Variants in TNPO3 observed in about 807,000 individuals in gnomAD.
TNPO3 encodes the protein transportin 3, also known as transportin-3.
A neutral mutation model predicts 122.8 loss-of-function variants in TNPO3; 65 were observed. That is an observed-to-expected ratio of 0.53 (90% CI 0.43 to 0.65). TNPO3 has a LOEUF of 0.65. Ranked by LOEUF, TNPO3 falls within the 30% of genes least tolerant of loss-of-function variation. TNPO3 has a pLI of 0.00. For synonymous variants in TNPO3, 372 were observed against 411.2 expected, an observed-to-expected ratio of 0.90 and a Z score of 1.15; for missense variants, 850 against 1,136.7, an observed-to-expected ratio of 0.75 and a Z score of 3.63.
intron 1 of TNPO3, among the ~76,000 whole-genome samples, chr7:129,048,509 AAC>A (rs1450586754): frequency 1.3e-5 from 2 of 152,202 alleles, no homozygotes; most frequent in East Asian, 1.9e-4. Flanking sequence ...CGGCCTGGGC[AAC>A]AGAGTGAGAC....
At chr7:129,020,166 T>C (rs1253219524) in intron 1 of TNPO3, among the ~76,000 whole-genome samples, 1 of 151,246 alleles carries the variant, frequency 6.6e-6, no homozygotes, top group Non-Finnish European at 1.5e-5. Flanking sequence ...CAACCTTAGC[T>C]TTCAATGAAA....
chr7:129,033,439 C>T (rs1312233095), intron 1 of TNPO3, among the ~76,000 whole-genome samples: 1 of 152,056 alleles, frequency 6.6e-6, no homozygotes, highest in East Asian at 1.9e-4. Context: ...AGCAAAAAAA[C>T]CTCAGAAAAT....
chr7:128,967,108 A>G (rs111748331), intron 21 of TNPO3, among the ~76,000 whole-genome samples, 172 bp downstream of exon 21: 2 of 152,384 alleles, frequency 1.3e-5, no homozygotes, highest in African/African-American at 4.8e-5. Context: ...ATATATGTAC[A>G]TACATACACA....
chr7:129,027,934 G>A (rs748952897), intron 1 of TNPO3, among the ~76,000 whole-genome samples: 37 of 152,096 alleles, frequency 2.4e-4, no homozygotes, highest in Admixed American at 2.2e-3. Context: ...GATACGTTAG[G>A]CCACAAAATA....
chr7:129,035,574 C>G (rs546770081), intron 1 of TNPO3, among the ~76,000 whole-genome samples: 3 of 152,230 alleles, frequency 2.0e-5, no homozygotes, highest in Admixed American at 2.0e-4. Flanking sequence ...CTTGATCACA[C>G]CATTGCACTC....
intron 21 of TNPO3, 132 bp from the exon 22 acceptor site, chr7:128,957,447 G>A (rs943308079): frequency 2.6e-4 from 222 of 861,920 alleles, no homozygotes; most frequent in Admixed American, 5.4e-4. Context: ...TCTCCTGAGC[G>A]ATCCTGGCTT....
rs1002852004 is a variant in TNPO3 at position 128,957,213 on chromosome 7, T to C, written c.*31+11A>G. On this transcript the variant is annotated intron_variant, in intron 22 of 22. Coordinates refer to ENST00000265388, the MANE Select transcript of TNPO3 (RefSeq NM_012470.4). ...CAGTCCGGACAAAAGCTGGGAACTA[T>C]GTATCCTCACCTGGGTGACAGGCAC... 6 of 1,611,950 alleles carry C rather than the reference T, an allele frequency of 3.7e-6. No individual in the cohort carries two copies. In the African/African-American group the frequency reaches 4.0e-5, roughly 11 times the overall value.
intron 8 of TNPO3, among the ~76,000 whole-genome samples, chr7:128,996,846 C>T (rs1302347041): frequency 2.0e-5 from 3 of 150,342 alleles, no homozygotes; most frequent in Admixed American, 6.6e-5. Flanking sequence ...CATCAAGTTG[C>T]TAAATCATAA....
chr7:128,957,634 ACT>A (rs1246219325), intron 21 of TNPO3, among the ~76,000 whole-genome samples: 29 of 152,210 alleles, frequency 1.9e-4, no homozygotes, highest in Non-Finnish European at 8.8e-5. Flanking sequence ...AATATTATCT[ACT>A]TCATAACACT....
chr7:129,043,220 G>A (rs1449038263), intron 1 of TNPO3, among the ~76,000 whole-genome samples: 1 of 150,652 alleles, frequency 6.6e-6, no homozygotes, highest in East Asian at 1.9e-4. Context: ...GGGCAACATA[G>A]CAAGACCCAG....
At chr7:129,050,218 C>A (rs1219936551) in intron 1 of TNPO3, among the ~76,000 whole-genome samples, 1 of 151,592 alleles carries the variant, frequency 6.6e-6, no homozygotes, top group Admixed American at 6.6e-5. Context: ...CTTGTCTCTA[C>A]TAAAAAATAC....
intron 4 of TNPO3, among the ~76,000 whole-genome samples, chr7:129,005,681 G>A (rs771697612): frequency 9.9e-5 from 15 of 151,760 alleles, no homozygotes; most frequent in Non-Finnish European, 2.1e-4. Context: ...AGTTTCCTGA[G>A]GCCTCCCTAG....
At chr7:128,984,899 A>G (rs1458085527) in intron 12 of TNPO3, among the ~76,000 whole-genome samples, 1 of 152,188 alleles carries the variant, frequency 6.6e-6, no homozygotes, top group African/African-American at 2.4e-5. Flanking sequence ...TAGAACTCCA[A>G]TAAAATAGGT....
At chr7:129,048,819 G>C (rs2150564296) in intron 1 of TNPO3, among the ~76,000 whole-genome samples, 1 of 152,266 alleles carries the variant, frequency 6.6e-6, no homozygotes, top group East Asian at 1.9e-4. Flanking sequence ...ATGCACTTCT[G>C]ACAATCAACA....
At chr7:129,009,333 T>C (rs1802928073) in intron 4 of TNPO3, among the ~76,000 whole-genome samples, 1 of 152,144 alleles carries the variant, frequency 6.6e-6, no homozygotes, top group African/African-American at 2.4e-5. Flanking sequence ...TAGGACAGAA[T>C]GTAATCATTA....
rs1478381480 is a variant in TNPO3 at position 129,055,088 on chromosome 7, C to G, written c.-318G>C. On this transcript the variant is annotated 5_prime_UTR_variant, in exon 1 of 23. Coordinates refer to ENST00000265388, the MANE Select transcript of TNPO3 (RefSeq NM_012470.4). ...CAGAAGCCTATCTTGGGAGGCCACACACCAGTGTACCTAAGGTTCGTTTAC... is the reference window on the plus strand; with the variant it reads ...CAGAAGCCTATCTTGGGAGGCCACAGACCAGTGTACCTAAGGTTCGTTTAC... 2 of 341,076 alleles carry G rather than the reference C, an allele frequency of 5.9e-6. No homozygotes were observed. The highest frequency in any genetic ancestry group is 1.1e-5 in the Non-Finnish European group (2 of 176,160). The allele number at this position is 341,076 out of a possible 1,614,324, so 21.1% of individuals were successfully genotyped here.
chr7:128,968,709 T>C (rs1052444389), intron 20 of TNPO3, among the ~76,000 whole-genome samples: 2 of 152,164 alleles, frequency 1.3e-5, no homozygotes, highest in Admixed American at 1.3e-4. Flanking sequence ...AGTTGTTATA[T>C]AGCAAACTTT....
At chr7:129,046,238 C>CTTAATT (rs907866012) in intron 1 of TNPO3, among the ~76,000 whole-genome samples, 1 of 143,598 alleles carries the variant, frequency 7.0e-6, no homozygotes, top group Non-Finnish European at 1.5e-5. Context: ...TTAACTTTTA[C>CTTAATT]TTAATTTTAA....
At chr7:129,045,387 T>C (rs1289651826) in intron 1 of TNPO3, among the ~76,000 whole-genome samples, 2 of 151,674 alleles carry the variant, frequency 1.3e-5, no homozygotes, top group Non-Finnish European at 2.9e-5. Context: ...TCCCAGCTAC[T>C]TGGGAGGCTG....
Sources: allele counts gnomAD v4.1 joint callset (sites outside exome capture counted in the v4.1 genomes callset), GRCh38; gene constraint gnomAD v4.1.1; transcripts MANE v1.5; gene names NCBI Gene and HGNC (gene_info 2026-07-23, HGNC 2026-07-21).